Variants in VAV2 observed in about 807,000 individuals in gnomAD.
The protein encoded by VAV2 is guanine nucleotide exchange factor VAV2.
A neutral mutation model predicts 132.5 loss-of-function variants in VAV2; 67 were observed. The ratio of observed to expected loss-of-function variants is 0.51; its 90% CI spans 0.42 to 0.62. The LOEUF (loss-of-function observed/expected upper bound fraction) is 0.62. VAV2 is among the 20% of genes least tolerant of loss of function. The probability of loss-of-function intolerance (pLI) is 0.00; values close to 1 mark genes in which losing one functional copy is unlikely to be tolerated. For missense variants in VAV2, 938 were observed against 1,153.6 expected (o/e 0.81, Z 2.71); for synonymous variants, 492 against 443.5 (o/e 1.11, Z -1.37).
intron 2 of VAV2, among the ~76,000 whole-genome samples, chr9:133,867,595 C>G (rs1230413003): frequency 6.6e-6 from 1 of 152,252 alleles, no homozygotes; most frequent in Non-Finnish European, 1.5e-5. Context: ...TGGCCACCAC[C>G]TACAGACCCC....
chr9:133,987,517 G>T (rs917710094), intron 1 of VAV2, among the ~76,000 whole-genome samples: 1 of 152,274 alleles, frequency 6.6e-6, no homozygotes, highest in East Asian at 1.9e-4. Flanking sequence ...ACCATCGCCA[G>T]GCTGGCGTGT....
chr9:133,836,026 C>G (rs1262748344), intron 3 of VAV2, among the ~76,000 whole-genome samples: 1 of 152,232 alleles, frequency 6.6e-6, no homozygotes, highest in Non-Finnish European at 1.5e-5. Context: ...CCCTGGGTCA[C>G]AGGCAGAGCT....
intron 2 of VAV2, among the ~76,000 whole-genome samples, chr9:133,905,263 T>C (rs1399881150): frequency 4.4e-5 from 2 of 45,634 alleles, no homozygotes; most frequent in Non-Finnish European, 8.8e-5. Context: ...ACCCCATCTC[T>C]ACTAAAAAAA....
rs1244154690 is a variant in VAV2, at chr9:133,804,683, G to A, written c.836+1398C>T. Among the ~76,000 whole-genome samples, 3 of 152,218 alleles carry A rather than the reference G, an allele frequency of 2.0e-5. No individual in the cohort carries two copies. ...GAACAAGGCGCTGAAAAGGACCACT[G>A]TACCCCACACCTGCTGAGGACTGGG... On this transcript the variant is annotated intron_variant, in intron 9 of 29. Transcript: ENST00000371850. This position sits in a 1 kb window ranked among gnomAD's most constrained non-coding sequence, Gnocchi z 4.5.
rs533352553 is a variant in VAV2, at chr9:133,962,615, T to G, written c.205-23396A>C. Among the ~76,000 whole-genome samples, 91 of 151,576 alleles carry G rather than the reference T, an allele frequency of 6.0e-4. 1 individual carries two copies. The highest frequency in any genetic ancestry group is 4.7e-3 in the Admixed American group (71 of 15,244). On this transcript the variant is annotated intron_variant, in intron 1 of 29. Coordinates refer to ENST00000371850, the MANE Select transcript of VAV2 (RefSeq NM_001134398.2). Reference sequence around the variant, plus strand: ...TCCAAGCACAGTTAGCAGAAGCCCCTCCCCGCCCCACCCCCCACAAAGCTC... The same window carrying G: ...TCCAAGCACAGTTAGCAGAAGCCCCGCCCCGCCCCACCCCCCACAAAGCTC...
intron 29 of VAV2, among the ~76,000 whole-genome samples, chr9:133,765,501 C>T (rs1833401997): frequency 6.6e-6 from 1 of 152,146 alleles, no homozygotes; most frequent in Admixed American, 6.5e-5. Flanking sequence ...GAGAGATATC[C>T]TATAAAAATA....
rs574037186 is a variant in VAV2 at position 133,830,533 on chromosome 9, A to T, written c.449+3739T>A. ...CCCTTCTTGCTGCTGCCATGTGAAG[A>T]AAAGCGTGTTTGCTTCCCCTTCCAC... On this transcript the variant is annotated intron_variant, in intron 4 of 29. Transcript: ENST00000371850. Among the ~76,000 whole-genome samples, 5 of 152,266 alleles carry T rather than the reference A, an allele frequency of 3.3e-5. No individual in the cohort carries two copies. In the South Asian group the frequency reaches 1.0e-3, roughly 32 times the overall value.
chr9:133,882,342 G>A (rs907215047), intron 2 of VAV2, among the ~76,000 whole-genome samples: 5 of 152,244 alleles, frequency 3.3e-5, no homozygotes, highest in Non-Finnish European at 7.3e-5. Flanking sequence ...TGCCTGGCCC[G>A]AACATGCTGC....
rs562797791 is a variant in VAV2, at chr9:133,783,446, G to A, written c.1723+57C>T. 15 of 1,545,082 alleles carry A rather than the reference G, an allele frequency of 9.7e-6. No individual in the cohort carries two copies. The South Asian group carries it at 1.2e-4, about 13-fold the overall frequency. On this transcript the variant is annotated intron_variant, in intron 19 of 29. Transcript: ENST00000371850. ...GAGGCCCGTACCCAGGTGGTAGGGG[G>A]CAGAAGTGAGCAGGCGTGGCCAGGG...
intron 1 of VAV2, among the ~76,000 whole-genome samples, chr9:133,940,642 TTTATCCTAG>T (rs1841104309): frequency 6.6e-6 from 1 of 150,562 alleles, no homozygotes; most frequent in Admixed American, 6.7e-5. Context: ...ACTCATCTGT[TTTATCCTAG>T]AGTCCCTCTC....
At position 133,857,952 on chromosome 9, in the gene VAV2, C is replaced by T. The variant is rs549839987; in HGVS notation, c.380+3422G>A. On this transcript the variant is annotated intron_variant, in intron 3 of 29. Transcript: ENST00000371850. The surrounding 1 kb of genome is among the most constrained non-coding windows in gnomAD (Gnocchi z 4.0). ...GGTCTTCCTGCAAAGCCTCGCTCTGCGCCCAGGAGGCCCTTCCCTTTGGCC... is the reference window on the plus strand; with the variant it reads ...GGTCTTCCTGCAAAGCCTCGCTCTGTGCCCAGGAGGCCCTTCCCTTTGGCC... Among the ~76,000 whole-genome samples the T allele has an allele frequency of 1.4e-3, 211 of 152,324 alleles. No homozygotes were observed. The highest frequency in any genetic ancestry group is 4.7e-3 in the African/African-American group (197 of 41,582).
intron 1 of VAV2, among the ~76,000 whole-genome samples, chr9:133,958,659 A>C (rs2519114): frequency 0.65 from 97,673 of 150,412 alleles, 31,902 homozygotes; most frequent in East Asian, 0.78. Flanking sequence ...TATACTTTGT[A>C]TCTGTGTCTT....
Position 133,768,740 on chromosome 9 carries a change from G to T in VAV2, c.2435-144C>A. 1.8e-6 allele frequency: 2 copies of T among 1,118,552 alleles called. No homozygotes were observed. Among genetic ancestry groups the T allele is most frequent in the Non-Finnish European group, 1.2e-6 (1 of 808,702 alleles). 69.3% of individuals were successfully genotyped at this position (1,118,552 alleles called of 1,614,324 possible). Reference sequence around the variant, plus strand: ...GAGAGGAAGGATGTCAAGCAGAAAGGCTCTGGAGGGACACACTGGCCTCCA... The same window carrying T: ...GAGAGGAAGGATGTCAAGCAGAAAGTCTCTGGAGGGACACACTGGCCTCCA... On this transcript the variant is annotated intron_variant, in intron 28 of 29. Coordinates refer to ENST00000371850, the MANE Select transcript of VAV2 (RefSeq NM_001134398.2). The surrounding 1 kb of genome is among the most constrained non-coding windows in gnomAD (Gnocchi z 5.3).
chr9:133,809,171 C>A (rs761429318), intron 6 of VAV2, 33 bp from the exon 7 acceptor site: 1 of 1,599,574 alleles, frequency 6.3e-7, no homozygotes, highest in Admixed American at 1.7e-5. Context: ...AGCAGGACCC[C>A]ATGGGCCCGG....
At position 133,771,967 on chromosome 9, in the gene VAV2, T is replaced by C. The variant is rs140004145; in HGVS notation, c.2215A>G (p.Ser739Gly). The C allele has an allele frequency of 7.6e-5, 121 of 1,590,950 alleles. No homozygotes were observed. In the African/African-American group the frequency reaches 1.4e-3, roughly 19 times the overall value. Residue 739 changes from serine (S) to glycine (G), a missense_variant, in exon 26 of 30, where the codon AGC becomes GGC. Ser to Gly is a moderately conservative substitution (Grantham distance 56). Transcript: ENST00000371850. The part of the protein sequence containing the change: ...IHITEAKKFD[S>G]LLELVEYYQC... Reference sequence around the variant, plus strand: ...AGCCAGAAGTCACCTACCAGGAGGCTGTCGAATTTCTTGGCCTCTGTGATG... The same window carrying C: ...AGCCAGAAGTCACCTACCAGGAGGCCGTCGAATTTCTTGGCCTCTGTGATG...
chr9:133,918,861 C>T lies in VAV2; in HGVS notation c.321+20242G>A, dbSNP rs774198154. Among the ~76,000 whole-genome samples the T allele has an allele frequency of 6.6e-6, 1 of 152,008 alleles. No homozygotes were observed. The highest frequency in any genetic ancestry group is 6.6e-5 in the Admixed American group (1 of 15,250). On this transcript the variant is annotated intron_variant, in intron 2 of 29. Transcript: ENST00000371850. The surrounding 1 kb of genome is among the most constrained non-coding windows in gnomAD (Gnocchi z 4.7). ...TGCGATCTCGGCTCACTGCAACCTC[C>T]GCCTCCTGGGTTCAAGCGATTCCCC...
chr9:133,828,650 C>T (rs1343846741), intron 4 of VAV2, among the ~76,000 whole-genome samples: 1 of 152,256 alleles, frequency 6.6e-6, no homozygotes, highest in African/African-American at 2.4e-5. Flanking sequence ...GGCATTTCGA[C>T]GTGGGCCCTG....
intron 2 of VAV2, among the ~76,000 whole-genome samples, chr9:133,898,275 A>G (rs1320056330): frequency 6.6e-6 from 1 of 152,060 alleles, no homozygotes; most frequent in Non-Finnish European, 1.5e-5. Context: ...TTTCTCCACA[A>G]CGCCAGACCC....
Position 133,956,583 on chromosome 9 carries a change from C to T in VAV2, c.205-17364G>A, listed in dbSNP as rs80042775. ...GAGTCCTGGGAATGTATAAAAAGCA[C>T]GCAGCCAGTTAGTTCCTGAGAAGTC... On this transcript the variant is annotated intron_variant, in intron 1 of 29. Coordinates refer to ENST00000371850, the MANE Select transcript of VAV2 (RefSeq NM_001134398.2). 1.8e-3 allele frequency among the ~76,000 whole-genome samples: 268 copies of T among 152,270 alleles called. 1 individual carries two copies. The highest frequency in any genetic ancestry group is 0.016 in the East Asian group (83 of 5,190).
Sources: gnomAD v4.1 joint callset for allele counts (sites outside exome capture counted in the v4.1 genomes callset) on GRCh38, gnomAD v4.1.1 for gene constraint, Gnocchi (gnomAD v3.1) non-coding constraint, MANE v1.5 for transcripts, NCBI Gene and HGNC (gene_info 2026-07-23, HGNC 2026-07-21) for gene names.